The following SPON1 variants were observed in gnomAD, a reference collection of about 807,000 sequenced individuals.
SPON1 encodes the protein spondin 1.
SPON1 carries 52 observed loss-of-function variants against 111.7 expected under a neutral mutation model. The observed-to-expected ratio is 0.47, with a 90% confidence interval of 0.37 to 0.59. The LOEUF (loss-of-function observed/expected upper bound fraction) is 0.59. Among genes scored for constraint, SPON1 ranks in the 20% least tolerant of loss-of-function variants. SPON1 has a pLI of 0.00. For missense variants in SPON1, 957 were observed against 1,068.5 expected, an observed-to-expected ratio of 0.90 and a Z score of 1.46; for synonymous variants, 410 against 395.8, an observed-to-expected ratio of 1.04 and a Z score of -0.43.
intron 6 of SPON1, among the ~76,000 whole-genome samples, chr11:14,180,951 T>C (rs1848230466): frequency 6.6e-6 from 1 of 152,222 alleles, no homozygotes. Context: ...GCTTTCCTGG[T>C]GAAATAAACT....
intron 6 of SPON1, among the ~76,000 whole-genome samples, chr11:14,158,074 G>T (rs1192127570): frequency 6.6e-6 from 1 of 151,994 alleles, no homozygotes; most frequent in Non-Finnish European, 1.5e-5. Flanking sequence ...TAAATTATAG[G>T]GGCTCTGGAT....
chr11:14,144,922 AT>A (rs1359584029), intron 6 of SPON1, among the ~76,000 whole-genome samples: 1 of 151,898 alleles, frequency 6.6e-6, no homozygotes. Flanking sequence ...GCCCAACCTT[AT>A]TTGGGTTACA....
intron 1 of SPON1, among the ~76,000 whole-genome samples, chr11:13,972,566 T>C (rs1242262708): frequency 2.0e-5 from 3 of 152,142 alleles, no homozygotes; most frequent in East Asian, 1.9e-4. Context: ...CAACTCAGAG[T>C]CTAGGATAGA....
chr11:14,055,877 T>A (rs1283594575), intron 3 of SPON1, among the ~76,000 whole-genome samples: 1 of 152,252 alleles, frequency 6.6e-6, no homozygotes, highest in Non-Finnish European at 1.5e-5. Flanking sequence ...AGAGGTTCCC[T>A]GCTCTCAGCT....
chr11:13,967,820 C>A (rs761868773), intron 1 of SPON1, among the ~76,000 whole-genome samples: 1 of 152,008 alleles, frequency 6.6e-6, no homozygotes, highest in Non-Finnish European at 1.5e-5. Flanking sequence ...CTAACCATTA[C>A]TTAAGTATTT....
chr11:14,157,554 G>A (rs1274810344), intron 6 of SPON1, among the ~76,000 whole-genome samples: 1 of 152,074 alleles, frequency 6.6e-6, no homozygotes, highest in African/African-American at 2.4e-5. Context: ...AGCACTTCAT[G>A]CATCCATGTC....
intron 6 of SPON1, among the ~76,000 whole-genome samples, chr11:14,144,097 CTG>C (rs1554929061): frequency 6.6e-6 from 1 of 152,166 alleles, no homozygotes; most frequent in Non-Finnish European, 1.5e-5. Flanking sequence ...TGAATTACCT[CTG>C]TTGGTTATGA....
intron 2 of SPON1, among the ~76,000 whole-genome samples, chr11:13,996,986 A>G (rs1224952617): frequency 6.6e-6 from 1 of 152,212 alleles, no homozygotes; most frequent in Non-Finnish European, 1.5e-5. Context: ...CACTGCAGTG[A>G]ACACCGTAAC....
At chr11:14,042,887 G>T (rs959799118) in intron 3 of SPON1, among the ~76,000 whole-genome samples, 1 of 152,178 alleles carries the variant, frequency 6.6e-6, no homozygotes, top group African/African-American at 2.4e-5. Flanking sequence ...ACCCGTCATT[G>T]TCTGGCCTCC....
rs1271802348 is a variant in SPON1, at chr11:14,156,179, T to C, written c.825+20611T>C. On this transcript the variant is annotated intron_variant, in intron 6 of 15. Transcript: ENST00000576479. ...TGTTGTTTCCTGACTTTTTAATGAT[T>C]GCCATTCTAACTGGTGTGAGATAGT... Among the ~76,000 whole-genome samples, 4 of 134,936 alleles carry C rather than the reference T, an allele frequency of 3.0e-5. 1 individual carries two copies. Among genetic ancestry groups the C allele is most frequent in the African/African-American group, 1.1e-4 (4 of 37,622 alleles). The allele number at this position is 134,936 out of a possible 152,430, so 88.5% of individuals were successfully genotyped here.
intron 2 of SPON1, among the ~76,000 whole-genome samples, chr11:14,013,414 C>T (rs1554913944): frequency 6.6e-6 from 1 of 152,084 alleles, no homozygotes. Context: ...ATTTTAGAGC[C>T]ATTCTCTGAG....
chr11:14,228,291 T>C lies in SPON1; in HGVS notation c.826-15041T>C, dbSNP rs1313269280. Among the ~76,000 whole-genome samples, 2 of 152,228 alleles carry C rather than the reference T, an allele frequency of 1.3e-5. No individual in the cohort carries two copies. Among genetic ancestry groups the C allele is most frequent in the Admixed American group, 6.5e-5 (1 of 15,288 alleles). The stretch of plus-strand genomic sequence containing the variant: ...CACGTATCCTTTGGGCTTTACCTAG[T>C]CAAAATGTCTTTGATTTGTTAACTC... On this transcript the variant is annotated intron_variant, in intron 6 of 15. Transcript: ENST00000576479. The surrounding 1 kb of genome is among the most constrained non-coding windows in gnomAD (Gnocchi z 4.2).
chr11:13,999,413 T>A (rs1554912197), intron 2 of SPON1, among the ~76,000 whole-genome samples: 1 of 150,360 alleles, frequency 6.7e-6, no homozygotes, highest in African/African-American at 2.5e-5. Flanking sequence ...CATTGCTGTA[T>A]CATTTTCTTT....
chr11:14,245,179 G>T (rs550200724), intron 7 of SPON1, among the ~76,000 whole-genome samples: 2 of 152,232 alleles, frequency 1.3e-5, no homozygotes, highest in East Asian at 3.9e-4. Context: ...AAAGGAAGAC[G>T]CCCCAGGATA....
chr11:14,088,668 A>AT (rs1554922989), intron 5 of SPON1, among the ~76,000 whole-genome samples: 2 of 151,782 alleles, frequency 1.3e-5, no homozygotes, highest in East Asian at 3.9e-4. Context: ...CTGAATTTGA[A>AT]TGTTGGCCTG....
chr11:14,263,057 A>T, intron 15 of SPON1, 82 bp downstream of exon 15: 4 of 1,248,022 alleles, frequency 3.2e-6, no homozygotes, highest in Non-Finnish European at 4.3e-6. Flanking sequence ...CCTGTTTAAA[A>T]AAAAAAAAAA....
At chr11:14,148,569 C>T (rs782172918) in intron 6 of SPON1, among the ~76,000 whole-genome samples, 7 of 152,290 alleles carry the variant, frequency 4.6e-5, no homozygotes, top group African/African-American at 1.7e-4. Flanking sequence ...CTTGGTAGAT[C>T]GTTCTCCTCC....
At chr11:14,242,837 G>C (rs1347905530) in intron 6 of SPON1, among the ~76,000 whole-genome samples, 1 of 152,208 alleles carries the variant, frequency 6.6e-6, no homozygotes, top group Non-Finnish European at 1.5e-5. Flanking sequence ...TGGCCTCCTC[G>C]TCCAAGGGAG....
At chr11:14,197,714 G>T (rs1372284713) in intron 6 of SPON1, among the ~76,000 whole-genome samples, 1 of 151,846 alleles carries the variant, frequency 6.6e-6, no homozygotes, top group African/African-American at 2.4e-5. Flanking sequence ...TACTCGGGAG[G>T]CTGAGGCAGG....
Sources: allele counts gnomAD v4.1 joint callset (sites outside exome capture counted in the v4.1 genomes callset), GRCh38; gene constraint gnomAD v4.1.1; non-coding constraint Gnocchi (gnomAD v3.1); transcripts MANE v1.5; gene names NCBI Gene and HGNC (gene_info 2026-07-23, HGNC 2026-07-21).